GSG1L: variants seen among roughly 807,000 people sequenced by gnomAD.
GSG1L encodes the protein GSG1 like, also known as germ cell-specific gene 1-like protein.
Under a neutral mutation model 42.1 loss-of-function variants are expected in GSG1L, and 24 were observed. That is an observed-to-expected ratio of 0.57 (90% CI 0.41 to 0.80). GSG1L has a LOEUF of 0.80. GSG1L is among the 30% of genes least tolerant of loss of function. GSG1L has a pLI of 0.00. For synonymous variants in GSG1L, 215 were observed against 203.5 expected (o/e 1.06, Z -0.48); for missense variants, 445 against 472.2 (o/e 0.94, Z 0.53).
chr16:28,006,378 G>C (rs1419985554), intron 1 of GSG1L, among the ~76,000 whole-genome samples: 1 of 151,076 alleles, frequency 6.6e-6, no homozygotes, highest in Non-Finnish European at 1.5e-5. Context: ...GTGTGATCTC[G>C]GCTCACTGCA....
intron 4 of GSG1L, among the ~76,000 whole-genome samples, chr16:27,830,811 T>A (rs939326712): frequency 1.3e-5 from 2 of 152,226 alleles, no homozygotes; most frequent in African/African-American, 4.8e-5. Flanking sequence ...TGATGGAAAC[T>A]CAGAACCCGA....
intron 3 of GSG1L, among the ~76,000 whole-genome samples, chr16:27,879,551 A>G (rs6498046): frequency 0.63 from 96,183 of 152,092 alleles, 31,041 homozygotes; most frequent in Admixed American, 0.75. Context: ...GAAGGTCGAC[A>G]CTGCAGTGAG....
At chr16:27,947,500 A>T (rs2084890877) in intron 2 of GSG1L, among the ~76,000 whole-genome samples, 1 of 151,220 alleles carries the variant, frequency 6.6e-6, no homozygotes, top group Non-Finnish European at 1.5e-5. Context: ...AAAGAAAGAG[A>T]AAGAAAGAAG....
At chr16:27,799,276 G>A (rs887692695) in intron 6 of GSG1L, among the ~76,000 whole-genome samples, 3 of 149,290 alleles carry the variant, frequency 2.0e-5, no homozygotes, top group African/African-American at 7.4e-5. Flanking sequence ...GCTCACGCCT[G>A]TAATCTCATC....
At chr16:28,001,852 C>T (rs745472448) in intron 1 of GSG1L, among the ~76,000 whole-genome samples, 9 of 152,186 alleles carry the variant, frequency 5.9e-5, no homozygotes, top group Non-Finnish European at 1.3e-4. Flanking sequence ...GCCTGGCAGC[C>T]TGGTCTCCAC....
intron 1 of GSG1L, among the ~76,000 whole-genome samples, chr16:28,027,373 G>A (rs2085910921): frequency 6.6e-6 from 1 of 152,164 alleles, no homozygotes; most frequent in Non-Finnish European, 1.5e-5. Context: ...AGAGTTATGG[G>A]AAAGCAGCTC....
intron 1 of GSG1L, among the ~76,000 whole-genome samples, chr16:28,035,402 G>T (rs553496903): frequency 3.9e-5 from 6 of 151,998 alleles, no homozygotes; most frequent in Non-Finnish European, 7.4e-5. Context: ...TTCTTTCATG[G>T]GAATCCCCAC....
chr16:27,860,329 G>A (rs1474897836), intron 3 of GSG1L, among the ~76,000 whole-genome samples: 2 of 152,198 alleles, frequency 1.3e-5, no homozygotes, highest in Admixed American at 1.3e-4. Flanking sequence ...GCAGGAAGAG[G>A]TGCAGGAGCC....
chr16:27,952,217 T>G (rs1359198733), intron 2 of GSG1L, among the ~76,000 whole-genome samples: 1 of 152,226 alleles, frequency 6.6e-6, no homozygotes, highest in Non-Finnish European at 1.5e-5. Context: ...AAACCTTTAC[T>G]AAATTCTTGC....
chr16:27,849,074 C>T lies in GSG1L; in HGVS notation c.551-4013G>A, dbSNP rs556047188. 6.5e-4 allele frequency among the ~76,000 whole-genome samples: 99 copies of T among 151,822 alleles called. 1 individual carries two copies. Among genetic ancestry groups the T allele is most frequent in the Middle Eastern group, 3.4e-3 (1 of 292 alleles). ...AGCCAGGTGTGGTGGCACATGCCTCCGCTACTCGGGAGGCTGAAGCAGGAG... is the reference window on the plus strand; with the variant it reads ...AGCCAGGTGTGGTGGCACATGCCTCTGCTACTCGGGAGGCTGAAGCAGGAG... On this transcript the variant is annotated intron_variant, in intron 3 of 6. Coordinates refer to ENST00000447459, the MANE Select transcript of GSG1L (RefSeq NM_001109763.2).
chr16:27,853,250 G>A (rs1280983192), intron 3 of GSG1L, among the ~76,000 whole-genome samples: 1 of 152,208 alleles, frequency 6.6e-6, no homozygotes, highest in Admixed American at 6.5e-5. Context: ...GGAACCCCAC[G>A]TGGCCAGGTA....
intron 2 of GSG1L, among the ~76,000 whole-genome samples, chr16:27,912,818 T>C (rs1379319872): frequency 6.6e-6 from 1 of 152,126 alleles, no homozygotes; most frequent in Non-Finnish European, 1.5e-5. Context: ...TGGCACAGTT[T>C]GAAATGGGAA....
intron 6 of GSG1L, among the ~76,000 whole-genome samples, chr16:27,802,762 C>T (rs148625983): frequency 4.6e-5 from 7 of 152,228 alleles, no homozygotes; most frequent in Non-Finnish European, 8.8e-5. Context: ...CAATCCTCCC[C>T]TCCCACTTCA....
chr16:27,870,325 T>C (rs2083801781), intron 3 of GSG1L, among the ~76,000 whole-genome samples: 1 of 149,358 alleles, frequency 6.7e-6, no homozygotes, highest in Non-Finnish European at 1.5e-5. Flanking sequence ...TCTCTGTCTC[T>C]GTCTCCCTCC....
intron 2 of GSG1L, among the ~76,000 whole-genome samples, chr16:27,932,124 C>T (rs956282111): frequency 3.3e-5 from 5 of 152,132 alleles, no homozygotes; most frequent in African/African-American, 1.2e-4. Context: ...ATGATCTCGG[C>T]TCACTGCAGC....
At chr16:27,949,440 G>A (rs758738981) in intron 2 of GSG1L, among the ~76,000 whole-genome samples, 6 of 152,274 alleles carry the variant, frequency 3.9e-5, no homozygotes, top group East Asian at 3.9e-4. Context: ...ACAGCCCTTC[G>A]TTGAAAGATT....
intron 5 of GSG1L, among the ~76,000 whole-genome samples, chr16:27,814,849 AGTAC>A (rs1329871545): frequency 6.6e-6 from 1 of 152,230 alleles, no homozygotes; most frequent in African/African-American, 2.4e-5. Flanking sequence ...GGTAAATGTC[AGTAC>A]GTGACAATTT....
At chr16:27,881,492 G>A (rs372249918) in intron 3 of GSG1L, among the ~76,000 whole-genome samples, 1 of 151,736 alleles carries the variant, frequency 6.6e-6, no homozygotes, top group Non-Finnish European at 1.5e-5. Flanking sequence ...CACCCTCCTC[G>A]GCCTCTCAAA....
intron 1 of GSG1L, among the ~76,000 whole-genome samples, chr16:27,988,114 A>G (rs1370717414): frequency 1.3e-5 from 2 of 152,148 alleles, no homozygotes; most frequent in Non-Finnish European, 2.9e-5. Flanking sequence ...TTTTAAACAC[A>G]AGTTTAAGTT....
Sources: gnomAD v4.1 joint callset for allele counts (sites outside exome capture counted in the v4.1 genomes callset) on GRCh38, gnomAD v4.1.1 for gene constraint, MANE v1.5 for transcripts, NCBI Gene and HGNC (gene_info 2026-07-23, HGNC 2026-07-21) for gene names.